Variants in SLC22A24 observed in about 807,000 individuals in gnomAD.
SLC22A24 encodes the protein steroid transmembrane transporter SLC22A24.
Under a neutral mutation model 49.8 loss-of-function variants are expected in SLC22A24, and 53 were observed. That is an observed-to-expected ratio of 1.06 (90% CI 0.85 to 1.34). SLC22A24 has a LOEUF of 1.34. Among genes scored for constraint, SLC22A24 ranks in the 40% most tolerant of loss-of-function variants. The pLI, the probability that SLC22A24 is intolerant of heterozygous loss-of-function variation, is 0.00. For missense variants in SLC22A24, 786 were observed against 675.9 expected (o/e 1.16, Z -1.81); for synonymous variants, 302 against 256.4 (o/e 1.18, Z -1.70).
chr11:63,083,520 T>G, intron 6 of SLC22A24, 63 bp from the exon 7 acceptor site: 1 of 1,363,802 alleles, frequency 7.3e-7, no homozygotes, highest in Non-Finnish European at 1.0e-6. Flanking sequence ...AAACATTTTC[T>G]GAGATTTTGA....
At chr11:63,093,618 T>C (rs2087034278) in intron 6 of SLC22A24, among the ~76,000 whole-genome samples, 1 of 152,064 alleles carries the variant, frequency 6.6e-6, no homozygotes, top group Non-Finnish European at 1.5e-5. Context: ...TGCATATTTT[T>C]ATTTACAAGT....
At chr11:63,127,391 G>C (rs186653569) in intron 2 of SLC22A24, among the ~76,000 whole-genome samples, 186 of 152,248 alleles carry the variant, frequency 1.2e-3, no homozygotes, top group Middle Eastern at 3.4e-3. Context: ...GTGGACATTT[G>C]GGTTGGTTCC....
At chr11:63,127,576 T>C (rs2134674733) in intron 2 of SLC22A24, among the ~76,000 whole-genome samples, 1 of 152,254 alleles carries the variant, frequency 6.6e-6, no homozygotes, top group Non-Finnish European at 1.5e-5. Context: ...AATGGTTGAA[T>C]TAACTTACAC....
intron 4 of SLC22A24, among the ~76,000 whole-genome samples, chr11:63,117,536 T>C (rs2087220290): frequency 6.6e-6 from 1 of 152,142 alleles, no homozygotes. Context: ...ATCTACCTCT[T>C]CTATCTTTGC....
chr11:63,083,477 CAA>C lies in SLC22A24; in HGVS notation c.1071-22_1071-21del, dbSNP rs1245395187. ...GCGAATCTGAAGTGAATAAAAAGGA[CAA>C]AGACATATTCAATAAGATTTAAAGC... On this transcript the variant is annotated intron_variant, in intron 6 of 9. Coordinates refer to ENST00000612278, the MANE Select transcript of SLC22A24 (RefSeq NM_001136506.2). The C allele has an allele frequency of 6.6e-7, 1 of 1,523,580 alleles. No individual in the cohort carries two copies. Among genetic ancestry groups the C allele is most frequent in the Non-Finnish European group, 8.9e-7 (1 of 1,122,686 alleles). 94.4% of individuals were successfully genotyped at this position (1,523,580 alleles called of 1,614,324 possible).
At chr11:63,109,115 C>T (rs28890528) in intron 4 of SLC22A24, among the ~76,000 whole-genome samples, 105,971 of 149,052 alleles carry the variant, frequency 0.71, 39,238 homozygotes, top group East Asian at 0.9. Context: ...TTTGTTCTTG[C>T]GATAATTTAC....
intron 2 of SLC22A24, among the ~76,000 whole-genome samples, chr11:63,130,934 C>T (rs779695068): frequency 4.6e-5 from 7 of 151,598 alleles, no homozygotes; most frequent in Non-Finnish European, 1.0e-4. Context: ...TCTTTAAGAA[C>T]TTGCTTTATG....
In SLC22A24 at chr11:63,080,939, T is replaced by A. The variant is rs1277161987; in HGVS notation, c.1579A>T (p.Ile527Phe). 1 of 1,551,786 alleles carries A rather than the reference T, an allele frequency of 6.4e-7. No homozygotes were observed. Among genetic ancestry groups the A allele is most frequent in the African/African-American group, 1.4e-5 (1 of 73,118 alleles). ...ETRDLPLPNT[I>F]QDVENDRKDS... ...ACTCACTCATTTTCCACATCCTGGATGGTGTTAGGAAGAGGTAGATCCCTG... is the reference window on the plus strand; with the variant it reads ...ACTCACTCATTTTCCACATCCTGGAAGGTGTTAGGAAGAGGTAGATCCCTG... The change falls in exon 9 of 10, where the codon ATC (isoleucine) becomes TTC (phenylalanine). Residue 527 changes from isoleucine to phenylalanine, a missense_variant. Ile to Phe is a conservative substitution (Grantham distance 21). Transcript: ENST00000612278.
chr11:63,081,505 C>T (rs753625765), intron 8 of SLC22A24, 53 bp downstream of exon 8: 3 of 1,225,826 alleles, frequency 2.4e-6, no homozygotes, highest in Non-Finnish European at 3.5e-6. Context: ...CAATGAATAT[C>T]AATAAATTCA....
chr11:63,092,371 TGA>T (rs2087025542), intron 6 of SLC22A24, among the ~76,000 whole-genome samples: 1 of 147,674 alleles, frequency 6.8e-6, no homozygotes, highest in African/African-American at 2.5e-5. Context: ...AAGCTACTAG[TGA>T]CTTTCTTTGT....
In SLC22A24 at chr11:63,143,556, A is replaced by G; in HGVS notation, c.224T>C (p.Ile75Thr). ...GTLSKDDLLRISIPLDSNLRP... is the reference protein window; with the variant it reads ...GTLSKDDLLRTSIPLDSNLRP... ...CAGGTTTGAGTCCAGTGGGATGGAG[A>G]TTCTCAGGAGGTCATCCTTGCTGAG... The change falls in exon 1 of 10, where the codon ATC becomes ACC. Residue 75 changes from isoleucine (I) to threonine (T), a missense_variant. Coordinates refer to ENST00000612278, the MANE Select transcript of SLC22A24 (RefSeq NM_001136506.2). 1 of 1,579,210 alleles carries G rather than the reference A, an allele frequency of 6.3e-7. No homozygotes were observed. Among genetic ancestry groups the G allele is most frequent in the East Asian group, 2.3e-5 (1 of 43,528 alleles).
At chr11:63,086,136 C>A (rs969974908) in intron 6 of SLC22A24, among the ~76,000 whole-genome samples, 8 of 152,152 alleles carry the variant, frequency 5.3e-5, no homozygotes, top group African/African-American at 1.9e-4. Flanking sequence ...GGTGATTCCT[C>A]AAGGAATTTA....
At chr11:63,121,686 G>A (rs1307520491) in intron 2 of SLC22A24, among the ~76,000 whole-genome samples, 2 of 151,596 alleles carry the variant, frequency 1.3e-5, no homozygotes, top group African/African-American at 4.9e-5. Flanking sequence ...TGTGCACAAT[G>A]TGCAGGTTAG....
At chr11:63,139,331 C>T (rs1022724638) in intron 1 of SLC22A24, among the ~76,000 whole-genome samples, 9 of 152,124 alleles carry the variant, frequency 5.9e-5, no homozygotes, top group African/African-American at 1.9e-4. Flanking sequence ...GAATTAAAAG[C>T]GGATAGATCC....
chr11:63,095,054 C>T (rs1361663614), intron 6 of SLC22A24, among the ~76,000 whole-genome samples: 3 of 152,078 alleles, frequency 2.0e-5, no homozygotes, highest in Non-Finnish European at 2.9e-5. Context: ...GAAGTCCTTG[C>T]CCATGCGTAT....
chr11:63,098,943 C>T (rs146969844), intron 5 of SLC22A24, among the ~76,000 whole-genome samples: 11 of 152,162 alleles, frequency 7.2e-5, no homozygotes, highest in African/African-American at 2.4e-4. Context: ...ACAACCAATA[C>T]TGCAGAAATT....
chr11:63,123,312 C>T (rs1405376014), intron 2 of SLC22A24, among the ~76,000 whole-genome samples: 1 of 152,074 alleles, frequency 6.6e-6, no homozygotes, highest in Non-Finnish European at 1.5e-5. Flanking sequence ...AATGCCAATG[C>T]CAGTCACAGT....
chr11:63,118,522 T>G, intron 4 of SLC22A24: 1 of 353,888 alleles, frequency 2.8e-6, no homozygotes, highest in Non-Finnish European at 5.1e-6. Context: ...CTCTTCTAAT[T>G]TTAAATAGTT....
intron 2 of SLC22A24, among the ~76,000 whole-genome samples, chr11:63,127,163 G>A (rs1054576490): frequency 1.3e-5 from 2 of 152,058 alleles, no homozygotes; most frequent in Non-Finnish European, 2.9e-5. Flanking sequence ...GGTATGTGAT[G>A]TTCCCCACCC....
Sources: gnomAD v4.1 joint callset for allele counts (sites outside exome capture counted in the v4.1 genomes callset) on GRCh38, gnomAD v4.1.1 for gene constraint, MANE v1.5 for transcripts, NCBI Gene and HGNC (gene_info 2026-07-23, HGNC 2026-07-21) for gene names.